Variants in BPIFC observed in about 807,000 individuals in gnomAD.
The protein encoded by BPIFC is BPI fold containing family C.
A neutral mutation model predicts 57.6 loss-of-function variants in BPIFC; 60 were observed. The observed-to-expected ratio is 1.04, with a 90% CI of 0.85 to 1.29. The LOEUF is 1.29. Ranked by LOEUF, BPIFC falls within the 50% of genes most tolerant of loss-of-function variation. The pLI, the probability that BPIFC is intolerant of heterozygous loss-of-function variation, is 0.00. For missense variants in BPIFC, 581 were observed against 600.5 expected (o/e 0.97, Z 0.34); for synonymous variants, 243 against 224.5 (o/e 1.08, Z -0.74).
At chr22:32,456,014 A>G (rs1935027992) in intron 3 of BPIFC, among the ~76,000 whole-genome samples, 1 of 152,214 alleles carries the variant, frequency 6.6e-6, no homozygotes, top group South Asian at 2.1e-4. Flanking sequence ...CATTTTCCAT[A>G]TGAGAAAATC....
chr22:32,462,168 C>CAAAAAAAAAAAAAAAAAAAAA (rs35716277), intron 1 of BPIFC, among the ~76,000 whole-genome samples: 8 of 53,598 alleles, frequency 1.5e-4, no homozygotes, highest in Non-Finnish European at 2.3e-4. Context: ...GACTCCATCT[C>CAAAAAAAAAAAAAAAAAAAAA]AAAAAAAAAA....
At chr22:32,434,165 T>C (rs924577453) in intron 10 of BPIFC, among the ~76,000 whole-genome samples, 5 of 149,548 alleles carry the variant, frequency 3.3e-5, no homozygotes, top group African/African-American at 1.2e-4. Context: ...TTTATATATA[T>C]ATTACAATCT....
intron 7 of BPIFC, among the ~76,000 whole-genome samples, chr22:32,445,313 G>A (rs62241174): frequency 0.084 from 12,766 of 152,122 alleles, 731 homozygotes; most frequent in Non-Finnish European, 0.13. Context: ...CAAGGTGCGC[G>A]GATCACGAGT....
intron 16 of BPIFC, 55 bp from the exon 17 acceptor site, chr22:32,414,480 G>A: frequency 6.3e-7 from 1 of 1,586,144 alleles, no homozygotes; most frequent in Non-Finnish European, 8.6e-7. Context: ...GTCTGGGTTT[G>A]TCTGAGGCGT....
rs769844716 is a variant in BPIFC at position 32,415,944 on chromosome 22, A to G, written c.1372T>C (p.Phe458Leu). The G allele has an allele frequency of 1.9e-6, 3 of 1,594,918 alleles. No homozygotes were observed. Among genetic ancestry groups the G allele is most frequent in the Non-Finnish European group, 8.5e-7 (1 of 1,172,406 alleles). ...FPLSNPHKFL[F>L]VNSDIEVLEG... ...AGAACTTCAATATCTGAATTGACGA[A>G]TAAGAATTTGTGTGGATTGGACAGA... The change falls in exon 16 of 17, where the codon TTC (phenylalanine) becomes CTC (leucine). Residue 458 changes from phenylalanine to leucine, a missense_variant. Phe to Leu is a conservative substitution (Grantham distance 22, BLOSUM62 0). Transcript: ENST00000300399.
At chr22:32,425,007 C>T (rs1934025172) in intron 13 of BPIFC, among the ~76,000 whole-genome samples, 4 of 152,024 alleles carry the variant, frequency 2.6e-5, no homozygotes, top group Admixed American at 2.6e-4. Context: ...GTCTCGAACT[C>T]CTGACCTCAG....
chr22:32,433,586 G>A (rs1409284934), intron 11 of BPIFC, 133 bp downstream of exon 11: 15 of 718,318 alleles, frequency 2.1e-5, no homozygotes, highest in South Asian at 1.2e-4. Flanking sequence ...GTAGATATTC[G>A]ATTACGAGAA....
At chr22:32,443,264 T>C (rs1237568374) in intron 7 of BPIFC, among the ~76,000 whole-genome samples, 1 of 151,380 alleles carries the variant, frequency 6.6e-6, no homozygotes, top group Non-Finnish European at 1.5e-5. Flanking sequence ...CCCTGGTTCA[T>C]GCCATTCTCC....
rs115016720 is a variant in BPIFC at position 32,431,715 on chromosome 22, A to G, written c.1150-301T>C. 2.2e-3 allele frequency among the ~76,000 whole-genome samples: 334 copies of G among 151,740 alleles called. 1 individual carries two copies. Among genetic ancestry groups the G allele is most frequent in the African/African-American group, 7.9e-3 (327 of 41,330 alleles). The stretch of plus-strand genomic sequence containing the variant: ...GTATGACATTTTTGTTAGGTTTATT[A>G]TGTCCTTCTATCAGATTGCATTTGG... On this transcript the variant is annotated intron_variant, in intron 12 of 16. Transcript: ENST00000300399.
chr22:32,438,388 T>C (rs963115208), intron 8 of BPIFC, among the ~76,000 whole-genome samples: 5 of 152,158 alleles, frequency 3.3e-5, no homozygotes, highest in Admixed American at 6.5e-5. Flanking sequence ...TATAGTTTTG[T>C]TTTTTGTTTT....
At chr22:32,462,622 G>A (rs1219605728) in intron 1 of BPIFC, among the ~76,000 whole-genome samples, 7 of 152,222 alleles carry the variant, frequency 4.6e-5, no homozygotes, top group East Asian at 1.9e-4. Context: ...TTTTAGACAC[G>A]TGGACATGGA....
At chr22:32,436,358 GGAGGAGGAGGAGGAGGAGGAA>G (rs1364670307) in intron 9 of BPIFC, among the ~76,000 whole-genome samples, 2 of 104,764 alleles carry the variant, frequency 1.9e-5, no homozygotes, top group African/African-American at 3.0e-5. Context: ...AGGAGGAGGA[GGAGGAGGAGGAGGAGGAGGAA>G]GAGGAGGAGG....
chr22:32,433,107 T>G (rs5754082), intron 11 of BPIFC, among the ~76,000 whole-genome samples: 99,821 of 152,050 alleles, frequency 0.66, 34,494 homozygotes, highest in South Asian at 0.84. Flanking sequence ...GGAGGCTGAG[T>G]TGGGAGGATC....
At position 32,433,647 on chromosome 22, in the gene BPIFC, A is replaced by T. The variant is rs1282497123; in HGVS notation, c.978+72T>A. The T allele has an allele frequency of 3.7e-6, 5 of 1,363,144 alleles. No homozygotes were observed. The East Asian group carries it at 9.1e-5, about 25-fold the overall frequency. 84.4% of individuals were successfully genotyped at this position (1,363,144 alleles called of 1,614,324 possible). ...ACTTATCCAAAAAGGAATACGTAGA[A>T]CCCACAAGTCTTCCAGAAGTAATTG... is the stretch of plus-strand genomic sequence containing the variant. On this transcript the variant is annotated intron_variant, in intron 11 of 16. Transcript: ENST00000300399.
In BPIFC at chr22:32,445,713, GAAAAAAAAAAAA is replaced by G; in HGVS notation, c.531-27_531-16del. 7.1e-6 allele frequency: 5 copies of G among 707,300 alleles called. No individual in the cohort carries two copies. Among genetic ancestry groups the G allele is most frequent in the Admixed American group, 1.0e-4 (2 of 19,408 alleles). 43.8% of individuals were successfully genotyped at this position (707,300 alleles called of 1,614,324 possible). A position where few individuals can be genotyped will look rare whatever the true frequency, so the allele number is the denominator to read the frequency against. On this transcript the variant is annotated splice_polypyrimidine_tract_variant and intron_variant, in intron 6 of 16. Transcript: ENST00000300399. The stretch of plus-strand genomic sequence containing the variant: ...TATACAGAACACTGAGGAAAAAAAT[GAAAAAAAAAAAA>G]AAAAAAAAAAGAGGTTACTCAGAGA...
intron 3 of BPIFC, among the ~76,000 whole-genome samples, chr22:32,455,930 A>G (rs1935025721): frequency 1.3e-5 from 2 of 152,230 alleles, no homozygotes; most frequent in African/African-American, 4.8e-5. Context: ...GGGTGGGATT[A>G]TAGCCCATGG....
intron 5 of BPIFC, chr22:32,446,788 G>A (rs993664568): frequency 1.1e-4 from 106 of 985,326 alleles, no homozygotes; most frequent in Non-Finnish European, 1.2e-4. Context: ...GTTGGGCTCA[G>A]GCTTAAGCTG....
chr22:32,431,095 T>C (rs965745591), intron 13 of BPIFC, among the ~76,000 whole-genome samples: 10 of 151,776 alleles, frequency 6.6e-5, no homozygotes, highest in African/African-American at 1.9e-4. Context: ...AACTGACTCA[T>C]GTTCACACAA....
intron 6 of BPIFC, 55 bp from the exon 7 acceptor site, chr22:32,445,753 A>G (rs1488690027): frequency 1.3e-6 from 2 of 1,524,632 alleles, no homozygotes; most frequent in Non-Finnish European, 8.9e-7. Context: ...CTCAGAGACC[A>G]TAATCAGCCA....
Sources: gnomAD v4.1 joint callset for allele counts (sites outside exome capture counted in the v4.1 genomes callset) on GRCh38, gnomAD v4.1.1 for gene constraint, MANE v1.5 for transcripts, NCBI Gene and HGNC (gene_info 2026-07-23, HGNC 2026-07-21) for gene names.